The following CNOT6L variants were observed in gnomAD, a reference collection of about 807,000 sequenced individuals.
The protein encoded by CNOT6L is CCR4-NOT transcription complex subunit 6-like.
A neutral mutation model predicts 64.0 loss-of-function variants in CNOT6L; 7 were observed. The ratio of observed to expected loss-of-function variants is 0.11; its 90% CI spans 0.06 to 0.21. The LOEUF (loss-of-function observed/expected upper bound fraction) is 0.21. CNOT6L is among the 10% of genes least tolerant of loss of function. The probability of loss-of-function intolerance (pLI) is 1.00; values close to 1 mark genes in which losing one functional copy is unlikely to be tolerated. For missense variants in CNOT6L, 245 were observed against 669.0 expected (o/e 0.37, Z 6.99); for synonymous variants, 193 against 243.4 (o/e 0.79, Z 1.93).
At chr4:77,814,914 G>A (rs1318394105) in intron 1 of CNOT6L, among the ~76,000 whole-genome samples, 1 of 152,152 alleles carries the variant, frequency 6.6e-6, no homozygotes, top group Non-Finnish European at 1.5e-5. Flanking sequence ...GTTAGTAAAA[G>A]AAAGTTGTAG....
intron 1 of CNOT6L, among the ~76,000 whole-genome samples, chr4:77,800,634 TTAGA>T (rs1427318774): frequency 1.3e-5 from 2 of 152,198 alleles, no homozygotes; most frequent in Non-Finnish European, 2.9e-5. Context: ...TATTTTAATG[TTAGA>T]TAAACATAAA....
chr4:77,808,480 AAG>A (rs1732512401), intron 1 of CNOT6L, among the ~76,000 whole-genome samples: 1 of 151,488 alleles, frequency 6.6e-6, no homozygotes, highest in Non-Finnish European at 1.5e-5. Flanking sequence ...AAAAAAAAAA[AAG>A]AGAAGAGAAA....
chr4:77,778,242 C>T (rs905116306), intron 1 of CNOT6L, among the ~76,000 whole-genome samples: 1 of 152,010 alleles, frequency 6.6e-6, no homozygotes, highest in Middle Eastern at 3.2e-3. Flanking sequence ...TCTTTGGGTA[C>T]TTTTGGGTAA....
intron 8 of CNOT6L, among the ~76,000 whole-genome samples, chr4:77,737,587 A>G (rs192326766): frequency 6.6e-6 from 1 of 151,588 alleles, no homozygotes; most frequent in Non-Finnish European, 1.5e-5. Context: ...AGCCCAGCTA[A>G]TTTTTCTATT....
chr4:77,759,308 G>A (rs1479437358), intron 4 of CNOT6L, among the ~76,000 whole-genome samples: 1 of 151,872 alleles, frequency 6.6e-6, no homozygotes, highest in Non-Finnish European at 1.5e-5. Context: ...GCTCACGCCT[G>A]TAATCCCAGC....
intron 1 of CNOT6L, among the ~76,000 whole-genome samples, chr4:77,799,000 T>C (rs1476520704): frequency 2.6e-5 from 4 of 151,918 alleles, no homozygotes; most frequent in African/African-American, 9.7e-5. Context: ...AAAAGTTAAA[T>C]ATGCAGCTAC....
chr4:77,734,995 T>C (rs2109909568), intron 8 of CNOT6L, among the ~76,000 whole-genome samples: 1 of 152,308 alleles, frequency 6.6e-6, no homozygotes. Context: ...AGTCCTAAAA[T>C]TTGCACATGG....
chr4:77,819,489 G>A (rs1489979703), upstream of CNOT6L: 34 of 1,311,868 alleles, frequency 2.6e-5, no homozygotes, highest in Admixed American at 1.4e-4. Context: ...CCGCCCCGAG[G>A]GGAAGCCGCG....
chr4:77,786,560 A>G (rs1236216699), intron 1 of CNOT6L, among the ~76,000 whole-genome samples: 5 of 151,936 alleles, frequency 3.3e-5, no homozygotes, highest in Non-Finnish European at 7.4e-5. Context: ...TGGAGTCTTG[A>G]CCTCCTGGGT....
intron 10 of CNOT6L, among the ~76,000 whole-genome samples, chr4:77,727,840 C>T (rs1722040226): frequency 1.3e-5 from 2 of 152,116 alleles, no homozygotes; most frequent in Non-Finnish European, 2.9e-5. Flanking sequence ...AAGACAAACA[C>T]TTATAAACAA....
intron 8 of CNOT6L, among the ~76,000 whole-genome samples, chr4:77,739,912 G>T (rs1723387216): frequency 1.3e-5 from 2 of 152,110 alleles, no homozygotes; most frequent in South Asian, 4.1e-4. Flanking sequence ...AGGAATTTTA[G>T]ATTTTTCCTC....
chr4:77,762,804 G>A (rs765351942), intron 4 of CNOT6L, among the ~76,000 whole-genome samples: 1 of 152,140 alleles, frequency 6.6e-6, no homozygotes, highest in South Asian at 2.1e-4. Flanking sequence ...AGAAGGTATT[G>A]ACTTCAGCAG....
At chr4:77,761,881 C>T (rs1726282663) in intron 4 of CNOT6L, among the ~76,000 whole-genome samples, 1 of 152,052 alleles carries the variant, frequency 6.6e-6, no homozygotes, top group Non-Finnish European at 1.5e-5. Context: ...AGTAAATTTA[C>T]AAACATCACA....
intron 4 of CNOT6L, among the ~76,000 whole-genome samples, chr4:77,764,879 G>A (rs937299948): frequency 6.6e-6 from 1 of 152,144 alleles, no homozygotes; most frequent in African/African-American, 2.4e-5. Flanking sequence ...TAGGATTAAA[G>A]GTTCTCTTAT....
chr4:77,762,255 G>C (rs965351332), intron 4 of CNOT6L, among the ~76,000 whole-genome samples: 3 of 152,156 alleles, frequency 2.0e-5, no homozygotes, highest in African/African-American at 7.2e-5. Context: ...AAAATGCAAA[G>C]TATCTAGAAA....
At chr4:77,799,542 TAAAAATACAAA>T (rs1190902654) in intron 1 of CNOT6L, among the ~76,000 whole-genome samples, 1 of 151,812 alleles carries the variant, frequency 6.6e-6, no homozygotes, top group Non-Finnish European at 1.5e-5. Context: ...CCGTTTCTAC[TAAAAATACAAA>T]AATTAGCTGG....
intron 8 of CNOT6L, among the ~76,000 whole-genome samples, chr4:77,735,697 CAT>C (rs750858101): frequency 3.9e-5 from 6 of 152,164 alleles, no homozygotes; most frequent in Non-Finnish European, 8.8e-5. Context: ...GAAAGCAAAA[CAT>C]AAATTGTATA....
chr4:77,735,072 C>T (rs1722800887), intron 8 of CNOT6L, among the ~76,000 whole-genome samples: 1 of 152,152 alleles, frequency 6.6e-6, no homozygotes, highest in Non-Finnish European at 1.5e-5. Flanking sequence ...CTCATGGTCA[C>T]ATACTTCTAG....
chr4:77,726,819 A>T (rs1721901396), intron 10 of CNOT6L, among the ~76,000 whole-genome samples: 1 of 152,234 alleles, frequency 6.6e-6, no homozygotes, highest in African/African-American at 2.4e-5. Flanking sequence ...TTTACAACAA[A>T]AACAGATTTT....
Sources: gnomAD v4.1 joint callset for allele counts (sites outside exome capture counted in the v4.1 genomes callset) on GRCh38, gnomAD v4.1.1 for gene constraint, MANE v1.5 for transcripts, NCBI Gene and HGNC (gene_info 2026-07-23, HGNC 2026-07-21) for gene names.